The following ARHGAP42 variants were observed in gnomAD, a reference collection of about 807,000 sequenced individuals.
The protein encoded by ARHGAP42 is rho GTPase-activating protein 42.
Under a neutral mutation model 125.0 loss-of-function variants are expected in ARHGAP42, and 63 were observed. The observed-to-expected ratio is 0.50, with a 90% CI of 0.41 to 0.62. ARHGAP42 has a LOEUF of 0.62. Ranked by LOEUF, ARHGAP42 falls within the 20% of genes least tolerant of loss-of-function variation. The pLI, the probability that ARHGAP42 is intolerant of heterozygous loss-of-function variation, is 0.00. For synonymous variants in ARHGAP42, 339 were observed against 351.0 expected, an observed-to-expected ratio of 0.97 and a Z score of 0.38; for missense variants, 766 against 1,024.2, an observed-to-expected ratio of 0.75 and a Z score of 3.44.
At position 100,701,780 on chromosome 11, in the gene ARHGAP42, A is replaced by G. The variant is rs189301049; in HGVS notation, c.154+13948A>G. On this transcript the variant is annotated intron_variant, in intron 1 of 23. Transcript: ENST00000298815. ...TCAGACTTTCTGCATATCAGCAATAAGGCTGTTTTGCTTTCTTATCATTTG... is the reference window on the plus strand; with the variant it reads ...TCAGACTTTCTGCATATCAGCAATAGGGCTGTTTTGCTTTCTTATCATTTG... 4.6e-5 allele frequency among the ~76,000 whole-genome samples: 7 copies of G among 152,328 alleles called. No individual in the cohort carries two copies. The East Asian group carries it at 1.4e-3, about 29-fold the overall frequency.
At chr11:100,739,685 C>A (rs1862140861) in intron 1 of ARHGAP42, among the ~76,000 whole-genome samples, 2 of 151,708 alleles carry the variant, frequency 1.3e-5, no homozygotes, top group Non-Finnish European at 1.5e-5. Flanking sequence ...ATCTAATAAG[C>A]CCCTCTTTTC....
chr11:100,804,728 G>T (rs185385723), intron 3 of ARHGAP42, among the ~76,000 whole-genome samples: 45 of 151,968 alleles, frequency 3.0e-4, no homozygotes, highest in Middle Eastern at 3.4e-3. Context: ...TGGCCAGGCT[G>T]GTCTCAAACT....
In ARHGAP42 at chr11:100,922,315, A is replaced by G. The variant is rs1159419225; in HGVS notation, c.597+711A>G. Among the ~76,000 whole-genome samples, 9 of 152,156 alleles carry G rather than the reference A, an allele frequency of 5.9e-5. No individual in the cohort carries two copies. The East Asian group carries it at 1.2e-3, about 20-fold the overall frequency. On this transcript the variant is annotated intron_variant, in intron 6 of 23. Coordinates refer to ENST00000298815, the MANE Select transcript of ARHGAP42 (RefSeq NM_152432.4). The stretch of plus-strand genomic sequence containing the variant: ...CAGTGTAAAATGTAATGGATTTCCT[A>G]ATGTAAACCGCGTTACAGAAAAGAA...
At chr11:100,982,018 C>A (rs1364557017) in intron 22 of ARHGAP42, among the ~76,000 whole-genome samples, 3 of 152,038 alleles carry the variant, frequency 2.0e-5, no homozygotes, top group African/African-American at 7.2e-5. Context: ...GAGTTTGATG[C>A]CATTTAAGAA....
chr11:100,921,674 C>A, intron 6 of ARHGAP42, 70 bp downstream of exon 6: 2 of 923,570 alleles, frequency 2.2e-6, no homozygotes, highest in Non-Finnish European at 3.2e-6. Context: ...ACTGTTTTTT[C>A]TATAATATAT....
chr11:100,720,187 A>G (rs540790658), intron 1 of ARHGAP42, among the ~76,000 whole-genome samples: 5 of 152,316 alleles, frequency 3.3e-5, no homozygotes, highest in African/African-American at 9.6e-5. Flanking sequence ...TGTATGTGAG[A>G]TGGGAAAATC....
chr11:100,921,367 A>G, intron 5 of ARHGAP42, 127 bp from the exon 6 acceptor site: 2 of 646,276 alleles, frequency 3.1e-6, no homozygotes, highest in Non-Finnish European at 2.6e-6. Context: ...TCCTGTAGGC[A>G]AGGACTATAA....
intron 4 of ARHGAP42, among the ~76,000 whole-genome samples, chr11:100,906,543 T>C (rs1940221): frequency 0.3 from 45,721 of 151,800 alleles, 7,873 homozygotes; most frequent in East Asian, 0.75. Flanking sequence ...TCATTCATTG[T>C]ACAGTGTACA....
At chr11:100,827,905 C>G (rs1234101503) in intron 3 of ARHGAP42, among the ~76,000 whole-genome samples, 1 of 152,170 alleles carries the variant, frequency 6.6e-6, no homozygotes, top group African/African-American at 2.4e-5. Flanking sequence ...AGAATCTACC[C>G]TTTACAAAAC....
rs560790774 is a variant in ARHGAP42 at position 100,879,191 on chromosome 11, A to T, written c.384+19566A>T. Among the ~76,000 whole-genome samples, 8 of 152,308 alleles carry T rather than the reference A, an allele frequency of 5.3e-5. No homozygotes were observed. The South Asian group carries it at 1.7e-3, about 32-fold the overall frequency. ...GTATCTGCATTTTAACAAGACTCCT[A>T]GTTGATTCAAATGCATAATACAAGT... On this transcript the variant is annotated intron_variant, in intron 4 of 23. Coordinates refer to ENST00000298815, the MANE Select transcript of ARHGAP42 (RefSeq NM_152432.4).
At chr11:100,771,541 C>CA (rs1862979030) in intron 2 of ARHGAP42, among the ~76,000 whole-genome samples, 1 of 152,028 alleles carries the variant, frequency 6.6e-6, no homozygotes, top group Admixed American at 6.5e-5. Context: ...TACAATACTA[C>CA]AAACACTTAA....
chr11:100,847,106 A>T (rs1035713134), intron 3 of ARHGAP42, among the ~76,000 whole-genome samples: 1 of 152,194 alleles, frequency 6.6e-6, no homozygotes, highest in African/African-American at 2.4e-5. Flanking sequence ...CAGGTTACAT[A>T]GTATTTTCAC....
At chr11:100,923,800 A>G (rs890273500) in intron 6 of ARHGAP42, among the ~76,000 whole-genome samples, 1 of 152,024 alleles carries the variant, frequency 6.6e-6, no homozygotes, top group Non-Finnish European at 1.5e-5. Flanking sequence ...TGTTTTTCCT[A>G]GTAGAGCATC....
intron 10 of ARHGAP42, among the ~76,000 whole-genome samples, chr11:100,945,817 C>G (rs1441520922): frequency 3.3e-5 from 5 of 151,962 alleles, no homozygotes; most frequent in African/African-American, 1.2e-4. Flanking sequence ...TTTAAGAACC[C>G]TAGGATTTGC....
At chr11:100,808,846 T>C (rs1458589077) in intron 3 of ARHGAP42, among the ~76,000 whole-genome samples, 1 of 152,204 alleles carries the variant, frequency 6.6e-6, no homozygotes, top group Non-Finnish European at 1.5e-5. Context: ...AAATAACAAA[T>C]TATTCATAAA....
intron 3 of ARHGAP42, among the ~76,000 whole-genome samples, chr11:100,798,925 A>T (rs1433772078): frequency 1.3e-5 from 2 of 152,206 alleles, no homozygotes; most frequent in Admixed American, 1.3e-4. Context: ...GAGCTGGGGA[A>T]GGATCACACA....
At chr11:100,961,148 G>A (rs764048306) in intron 14 of ARHGAP42, among the ~76,000 whole-genome samples, 159 bp downstream of exon 14, 15 of 152,110 alleles carry the variant, frequency 9.9e-5, no homozygotes, top group Admixed American at 5.9e-4. Context: ...ATAGATGAAC[G>A]ATGAGAATTT....
intron 4 of ARHGAP42, among the ~76,000 whole-genome samples, chr11:100,893,251 T>C (rs1295352244): frequency 6.6e-6 from 1 of 151,966 alleles, no homozygotes; most frequent in Non-Finnish European, 1.5e-5. Context: ...AGCATTATGT[T>C]ATTGTAAGTT....
intron 4 of ARHGAP42, among the ~76,000 whole-genome samples, chr11:100,886,616 G>A (rs556299687): frequency 6.6e-6 from 1 of 152,302 alleles, no homozygotes; most frequent in Admixed American, 6.5e-5. Context: ...ACTTAGCACA[G>A]CGATGCCCCA....
Sources: gnomAD v4.1 joint callset for allele counts (sites outside exome capture counted in the v4.1 genomes callset) on GRCh38, gnomAD v4.1.1 for gene constraint, MANE v1.5 for transcripts, NCBI Gene and HGNC (gene_info 2026-07-23, HGNC 2026-07-21) for gene names.